TFAP2E: variants seen among roughly 807,000 people sequenced by gnomAD.
TFAP2E encodes transcription factor AP-2-epsilon.
Under a neutral mutation model 37.9 loss-of-function variants are expected in TFAP2E, and 30 were observed. That is an observed-to-expected ratio of 0.79 (90% CI 0.59 to 1.07). The LOEUF is 1.07. TFAP2E is among the 50% of genes least tolerant of loss of function. The pLI is 0.00. For synonymous variants in TFAP2E, 318 were observed against 295.8 expected (o/e 1.08, Z -0.77); for missense variants, 567 against 637.9 (o/e 0.89, Z 1.20).
rs540111971 is a variant in TFAP2E at position 35,587,936 on chromosome 1, G to A, written c.563-394G>A. 7.2e-5 allele frequency among the ~76,000 whole-genome samples: 11 copies of A among 152,226 alleles called. No individual in the cohort carries two copies. The South Asian group carries it at 1.7e-3, about 23-fold the overall frequency. ...CAGAGAGGAAAAACGTGGGAATCAC[G>A]AATGGGAAGAGGGGATTTGGGGACT... is the stretch of plus-strand genomic sequence containing the variant. On this transcript the variant is annotated intron_variant, in intron 3 of 6. Coordinates refer to ENST00000373235, the MANE Select transcript of TFAP2E (RefSeq NM_178548.4).
Position 35,594,526 on chromosome 1 carries a change from C to T in TFAP2E, c.1179C>T (p.Phe393=), listed in dbSNP as rs576673149. The change falls in exon 7 of 7, where the codon TTC becomes TTT. Residue 393 remains phenylalanine (F), a synonymous_variant. Coordinates refer to ENST00000373235, the MANE Select transcript of TFAP2E (RefSeq NM_178548.4). ...ACTTTAGCCTCATCACCCATGGCTT[C>T]GGTGGGCCTGCCATCTGTGCTGCCC... ...LTHFSLITHG[F]GGPAICAALT... is the part of the protein sequence containing the mutation. 4.2e-5 allele frequency: 68 copies of T among 1,614,206 alleles called. No individual in the cohort carries two copies. The highest frequency in any genetic ancestry group is 2.3e-4 in the South Asian group (21 of 91,084).
chr1:35,576,860 G>A (rs1222535745), intron 3 of TFAP2E, among the ~76,000 whole-genome samples: 1 of 151,928 alleles, frequency 6.6e-6, no homozygotes, highest in African/African-American at 2.4e-5. Context: ...GAGCGGGGCG[G>A]GACGCGGCCG....
intron 4 of TFAP2E, among the ~76,000 whole-genome samples, chr1:35,589,515 A>T (rs903003306): frequency 1.1e-4 from 16 of 149,694 alleles, no homozygotes; most frequent in East Asian, 4.0e-4. Context: ...TGTGTGTGTG[A>T]GAGAGTCACC....
chr1:35,574,331 C>G lies in TFAP2E; in HGVS notation c.432C>G (p.Ala144=). 1 of 1,447,124 alleles carries G rather than the reference C, an allele frequency of 6.9e-7. No homozygotes were observed. The highest frequency in any genetic ancestry group is 9.0e-7 in the Non-Finnish European group (1 of 1,110,102). 89.6% of individuals were successfully genotyped at this position (1,447,124 alleles called of 1,614,324 possible). A position where few individuals can be genotyped will look rare whatever the true frequency, so the allele number is the denominator to read the frequency against. The change falls in exon 2 of 7, where the codon GCC becomes GCG. Residue 144 remains alanine (A), a synonymous_variant. Transcript: ENST00000373235. ...TAVPRLLHGL[A]DGAHGLADAP... is the part of the protein sequence containing the mutation. Reference sequence around the variant, plus strand: ...TGCCCCGGCTCCTGCACGGCCTGGCCGACGGCGCGCACGGCCTGGCAGACG... The same window carrying G: ...TGCCCCGGCTCCTGCACGGCCTGGCGGACGGCGCGCACGGCCTGGCAGACG...
At chr1:35,585,184 G>A (rs889591981) in intron 3 of TFAP2E, among the ~76,000 whole-genome samples, 3 of 152,134 alleles carry the variant, frequency 2.0e-5, no homozygotes, top group African/African-American at 7.2e-5. Context: ...CTCACACCCT[G>A]GGAGTCACTA....
chr1:35,589,828 A>G (rs774834661), intron 4 of TFAP2E, 102 bp from the exon 5 acceptor site: 375 of 1,200,172 alleles, frequency 3.1e-4, no homozygotes, highest in Non-Finnish European at 4.5e-4. Context: ...AAACCTCAAC[A>G]GGGGCTGGTG....
chr1:35,586,351 C>T (rs139321641), intron 3 of TFAP2E, among the ~76,000 whole-genome samples: 1 of 152,174 alleles, frequency 6.6e-6, no homozygotes, highest in Admixed American at 6.5e-5. Context: ...ATAGTTGGCA[C>T]TCATTGACAG....
At chr1:35,584,047 G>C (rs1312607610) in intron 3 of TFAP2E, among the ~76,000 whole-genome samples, 1 of 152,140 alleles carries the variant, frequency 6.6e-6, no homozygotes, top group Non-Finnish European at 1.5e-5. Context: ...CCATACTCCA[G>C]CTCATCCTCA....
chr1:35,583,771 G>C (rs1649413475), intron 3 of TFAP2E, among the ~76,000 whole-genome samples: 1 of 152,006 alleles, frequency 6.6e-6, no homozygotes, highest in Admixed American at 6.6e-5. Context: ...CTGTGTGCTA[G>C]TTTAATTCCT....
At position 35,589,186 on chromosome 1, in the gene TFAP2E, CTCTGTGTGTG is replaced by C. The variant is rs1443692062; in HGVS notation, c.785+636_785+645del. ...GATGTGTGGCCTAGGGTGTGTCCTG[CTCTGTGTGTG>C]TGTGTGTGTGTGTGTGTGTGTGTGT... On this transcript the variant is annotated intron_variant, in intron 4 of 6. Transcript: ENST00000373235. 1.6e-3 allele frequency among the ~76,000 whole-genome samples: 209 copies of C among 133,628 alleles called. 1 individual carries two copies. Among genetic ancestry groups the C allele is most frequent in the African/African-American group, 5.8e-3 (199 of 34,404 alleles). The allele number at this position is 133,628 out of a possible 152,430, so 87.7% of individuals were successfully genotyped here.
chr1:35,573,536 G>T lies in TFAP2E; in HGVS notation c.-42G>T, dbSNP rs549736977. The T allele has an allele frequency of 5.3e-6, 8 of 1,509,966 alleles. No individual in the cohort carries two copies. The Admixed American group carries it at 1.5e-4, about 29-fold the overall frequency. 93.5% of individuals were successfully genotyped at this position (1,509,966 alleles called of 1,614,324 possible). A position where few individuals can be genotyped will look rare whatever the true frequency, so the allele number is the denominator to read the frequency against. On this transcript the variant is annotated 5_prime_UTR_variant, in exon 1 of 7. Transcript: ENST00000373235. This position sits in a 1 kb window ranked among gnomAD's most constrained non-coding sequence, Gnocchi z 5.9. Reference sequence around the variant, plus strand: ...CCGCAGCGCTCGCCGTCGGGCTAGGGCTCCGCCGCCGCCACGCCTCGCGCC... The same window carrying T: ...CCGCAGCGCTCGCCGTCGGGCTAGGTCTCCGCCGCCGCCACGCCTCGCGCC...
chr1:35,574,168 T>A lies in TFAP2E; in HGVS notation c.269T>A (p.Leu90Gln). ...GACCCATATGGCGGCCTGGCGCCCCTGGCGCAGCCGCAGCCTCCTCAGGCC... is the reference window on the plus strand; with the variant it reads ...GACCCATATGGCGGCCTGGCGCCCCAGGCGCAGCCGCAGCCTCCTCAGGCC... ...AGDPYGGLAP[L>Q]AQPQPPQAAW... Residue 90 changes from leucine to glutamine, a missense_variant, in exon 2 of 7, where the codon CTG becomes CAG. Leu to Gln is a moderately radical substitution (Grantham distance 113, BLOSUM62 -2). This residue lies in a region of TFAP2E where 312 missense variants were observed against 317.4 expected (regional missense o/e 0.98). Coordinates refer to ENST00000373235, the MANE Select transcript of TFAP2E (RefSeq NM_178548.4). The A allele has an allele frequency of 7.0e-7, 1 of 1,418,750 alleles. No individual in the cohort carries two copies. 87.9% of individuals were successfully genotyped at this position (1,418,750 alleles called of 1,614,324 possible).
intron 6 of TFAP2E, among the ~76,000 whole-genome samples, chr1:35,592,374 G>T (rs1046286203): frequency 6.6e-6 from 1 of 151,734 alleles, no homozygotes; most frequent in Non-Finnish European, 1.5e-5. Flanking sequence ...CCATAAACTG[G>T]GTAGCTTATA....
rs767724636 is a variant in TFAP2E, at chr1:35,573,930, C to G, written c.31C>G (p.Arg11Gly). 19 of 1,453,892 alleles carry G rather than the reference C, an allele frequency of 1.3e-5. No homozygotes were observed. Among genetic ancestry groups the G allele is most frequent in the Non-Finnish European group, 1.5e-5 (17 of 1,119,496 alleles). The allele number at this position is 1,453,892 out of a possible 1,614,324, so 90.1% of individuals were successfully genotyped here. MLVHTYSAME[R>G]PDGLGAAAGG... ...AGGCACCCCTCTCCTTCCCCAGGAG[C>G]GCCCCGACGGGCTGGGAGCAGCTGC... The change falls in exon 2 of 7, where the codon CGC becomes GGC. Residue 11 changes from arginine to glycine, a missense_variant. By Grantham distance (125) the Arg-to-Gly change is moderately radical. Coordinates refer to ENST00000373235, the MANE Select transcript of TFAP2E (RefSeq NM_178548.4). The surrounding 1 kb of genome is among the most constrained non-coding windows in gnomAD (Gnocchi z 5.9).
At chr1:35,575,938 G>A (rs909283320) in intron 3 of TFAP2E, among the ~76,000 whole-genome samples, 2 of 152,190 alleles carry the variant, frequency 1.3e-5, no homozygotes, top group Admixed American at 1.3e-4. Context: ...GGTGAGAGAC[G>A]ACAAAAACAG....
intron 3 of TFAP2E, among the ~76,000 whole-genome samples, chr1:35,582,966 T>C (rs186874621): frequency 2.0e-5 from 3 of 151,998 alleles, no homozygotes; most frequent in African/African-American, 7.2e-5. Context: ...GCAGTGGCGC[T>C]ATCTCAGCTC....
In TFAP2E at chr1:35,577,580, C is replaced by A; in HGVS notation, c.562+2580C>A. On this transcript the variant is annotated intron_variant, in intron 3 of 6. Transcript: ENST00000373235. This position sits in a 1 kb window ranked among gnomAD's most constrained non-coding sequence, Gnocchi z 6.3. ...GCCTGGGCGGGAGCGGCGGCTGCGTCGCTGAAGGTTGGGGTCCTTGGTGCG... is the reference window on the plus strand; with the variant it reads ...GCCTGGGCGGGAGCGGCGGCTGCGTAGCTGAAGGTTGGGGTCCTTGGTGCG... 2.6e-6 allele frequency: 1 copy of A among 378,248 alleles called. No homozygotes were observed. Among genetic ancestry groups the A allele is most frequent in the Non-Finnish European group, 5.5e-6 (1 of 182,724 alleles). The allele number at this position is 378,248 out of a possible 1,614,324, so 23.4% of individuals were successfully genotyped here.
In TFAP2E at chr1:35,594,207, G is replaced by A. The variant is rs147433025; in HGVS notation, c.1047-187G>A. Reference sequence around the variant, plus strand: ...CTGTTTATTAGCTGTGTGATACTGGGCTAGTCAAATGACTTCTCTGAACCT... The same window carrying A: ...CTGTTTATTAGCTGTGTGATACTGGACTAGTCAAATGACTTCTCTGAACCT... On this transcript the variant is annotated intron_variant, in intron 6 of 6. Coordinates refer to ENST00000373235, the MANE Select transcript of TFAP2E (RefSeq NM_178548.4). 1.7e-3 allele frequency among the ~76,000 whole-genome samples: 254 copies of A among 152,326 alleles called. 1 individual carries two copies. Among genetic ancestry groups the A allele is most frequent in the South Asian group, 1.7e-3 (8 of 4,828 alleles).
At chr1:35,589,860 A>G (rs1649605931) in intron 4 of TFAP2E, 70 bp from the exon 5 acceptor site, 4 of 1,538,338 alleles carry the variant, frequency 2.6e-6, no homozygotes, top group Admixed American at 3.4e-5. Context: ...GCCCTTTGGC[A>G]GCCACTTAGC....
Sources: gnomAD v4.1 joint callset for allele counts (sites outside exome capture counted in the v4.1 genomes callset) on GRCh38, gnomAD v4.1.1 for gene constraint, gnomAD v4.1.1 regional missense constraint, Gnocchi (gnomAD v3.1) non-coding constraint, MANE v1.5 for transcripts, NCBI Gene and HGNC (gene_info 2026-07-23, HGNC 2026-07-21) for gene names.